Variants in BNC2 observed in about 807,000 individuals in gnomAD.
BNC2 encodes the protein basonuclin zinc finger protein 2.
BNC2 carries 20 observed loss-of-function variants against 76.3 expected under a neutral mutation model. The ratio of observed to expected loss-of-function variants is 0.26; its 90% confidence interval spans 0.18 to 0.38. BNC2 has a LOEUF of 0.38. Ranked by LOEUF, BNC2 falls within the 10% of genes least tolerant of loss-of-function variation. The pLI, the probability that BNC2 is intolerant of heterozygous loss-of-function variation, is 1.00. For synonymous variants in BNC2, 582 were observed against 514.8 expected (o/e 1.13, Z -1.77); for missense variants, 1,382 against 1,399.8 (o/e 0.99, Z 0.20).
Position 16,463,771 on chromosome 9 carries a change from A to G in BNC2, c.670-26247T>C, listed in dbSNP as rs114125730. ...AAATTCACAACTGAAAAAGACAAAA[A>G]TAGGGTCAGGCATGGTGGTTCACGT... is the stretch of plus-strand genomic sequence containing the variant. On this transcript the variant is annotated intron_variant, in intron 5 of 6. Coordinates refer to ENST00000380672, the MANE Select transcript of BNC2 (RefSeq NM_017637.6). Among the ~76,000 whole-genome samples the G allele has an allele frequency of 4.1e-3, 630 of 151,830 alleles. 3 individuals carry two copies. The highest frequency in any genetic ancestry group is 0.014 in the African/African-American group (598 of 41,458).
Position 16,506,727 on chromosome 9 carries a change from T to C in BNC2, c.669+45803A>G, listed in dbSNP as rs1350676481. 3.4e-5 allele frequency among the ~76,000 whole-genome samples: 5 copies of C among 149,106 alleles called. No individual in the cohort carries two copies. The Admixed American group carries it at 3.4e-4, about 10-fold the overall frequency. On this transcript the variant is annotated intron_variant, in intron 5 of 6. Coordinates refer to ENST00000380672, the MANE Select transcript of BNC2 (RefSeq NM_017637.6). ...TTTTAGTTGAGACGGGGTTTCACCA[T>C]GTTGGCCAGGCTGTTTGTTTGGTTT...
intron 3 of BNC2, chr9:16,685,618 G>A (rs2134348733): frequency 1.5e-6 from 2 of 1,304,232 alleles, no homozygotes; most frequent in South Asian, 2.5e-5. Context: ...GCCAGTACAT[G>A]CCAATGGAAC....
chr9:16,693,193 A>G (rs1339570369), intron 3 of BNC2, among the ~76,000 whole-genome samples: 2 of 151,492 alleles, frequency 1.3e-5, no homozygotes, highest in Admixed American at 6.6e-5. Flanking sequence ...AAGAAGCAGC[A>G]TATCTGCCCC....
At chr9:16,671,233 A>C (rs79181375) in intron 3 of BNC2, among the ~76,000 whole-genome samples, 2,917 of 152,256 alleles carry the variant, frequency 0.019, 94 homozygotes, top group African/African-American at 0.065. Flanking sequence ...AACTGTTTAC[A>C]TAAGGGCCCA....
At chr9:16,476,579 A>C (rs1446020251) in intron 5 of BNC2, among the ~76,000 whole-genome samples, 1 of 151,990 alleles carries the variant, frequency 6.6e-6, no homozygotes, top group Non-Finnish European at 1.5e-5. Flanking sequence ...AAAAAAAAAA[A>C]AAAACTCTGG....
chr9:16,450,575 G>A (rs1234487362), intron 5 of BNC2, among the ~76,000 whole-genome samples: 2 of 152,134 alleles, frequency 1.3e-5, no homozygotes, highest in Non-Finnish European at 2.9e-5. Flanking sequence ...CAATTAATTG[G>A]GCATGCAGAA....
chr9:16,611,526 T>C (rs773737563), intron 3 of BNC2, among the ~76,000 whole-genome samples: 2 of 152,152 alleles, frequency 1.3e-5, no homozygotes, highest in Non-Finnish European at 2.9e-5. Context: ...TTTAGAATAC[T>C]TGTTGCTGAA....
chr9:16,805,563 G>C (rs753785259), intron 1 of BNC2, among the ~76,000 whole-genome samples: 3 of 152,016 alleles, frequency 2.0e-5, no homozygotes, highest in African/African-American at 7.2e-5. Context: ...CCTGACCTCA[G>C]GTGATCCGCC....
At chr9:16,692,147 A>G (rs1019724508) in intron 3 of BNC2, among the ~76,000 whole-genome samples, 1 of 152,140 alleles carries the variant, frequency 6.6e-6, no homozygotes, top group Non-Finnish European at 1.5e-5. Flanking sequence ...ACAGAATTCT[A>G]TTATTCTATT....
intron 5 of BNC2, among the ~76,000 whole-genome samples, chr9:16,444,279 A>T (rs1004119828): frequency 4.6e-5 from 7 of 152,212 alleles, no homozygotes; most frequent in African/African-American, 1.4e-4. Context: ...ACATATATAT[A>T]AATGGGGGTA....
intron 1 of BNC2, among the ~76,000 whole-genome samples, chr9:16,741,957 C>CAAA (rs35573018): frequency 0.017 from 1,351 of 77,564 alleles, 62 homozygotes; most frequent in African/African-American, 0.033. Context: ...GGCTCCATCT[C>CAAA]AAAAAAAAAA....
intron 3 of BNC2, among the ~76,000 whole-genome samples, chr9:16,721,385 C>T (rs1391028555): frequency 6.6e-6 from 1 of 152,130 alleles, no homozygotes; most frequent in Non-Finnish European, 1.5e-5. Flanking sequence ...CTCCCTTTCT[C>T]CTGTCTCCAG....
intron 6 of BNC2, 22 bp from the exon 7 acceptor site, chr9:16,419,671 GGGGGTACGTGGATGGGGGGT>G: frequency 3.2e-6 from 2 of 622,988 alleles, no homozygotes; most frequent in East Asian, 5.3e-5. Flanking sequence ...AGAGGGAAGG[GGGGGTACGTGGATGGGGGGT>G]GGGGAAAGGT....
At chr9:16,724,687 C>T (rs1824260058) in intron 3 of BNC2, among the ~76,000 whole-genome samples, 1 of 152,092 alleles carries the variant, frequency 6.6e-6, no homozygotes, top group African/African-American at 2.4e-5. Flanking sequence ...GAAAGATGTA[C>T]ATTTAAGCAG....
chr9:16,675,851 C>G (rs10962534), intron 3 of BNC2, among the ~76,000 whole-genome samples: 24,144 of 152,020 alleles, frequency 0.16, 2,969 homozygotes, highest in East Asian at 0.57. Flanking sequence ...GAGTTTGAGA[C>G]CAGCCTGGCC....
chr9:16,624,232 A>G (rs1003721531), intron 3 of BNC2, among the ~76,000 whole-genome samples: 2 of 152,184 alleles, frequency 1.3e-5, no homozygotes, highest in African/African-American at 4.8e-5. Context: ...TGAATATTCA[A>G]CTGCATGTGG....
chr9:16,498,973 A>T (rs1822459322), intron 5 of BNC2, among the ~76,000 whole-genome samples: 1 of 152,246 alleles, frequency 6.6e-6, no homozygotes, highest in African/African-American at 2.4e-5. Context: ...TACTAGACAG[A>T]TTGAACATAT....
intron 3 of BNC2, among the ~76,000 whole-genome samples, chr9:16,599,301 AC>A (rs1298420309): frequency 6.6e-6 from 1 of 152,226 alleles, no homozygotes; most frequent in East Asian, 1.9e-4. Flanking sequence ...CTTACATACT[AC>A]AGAGATTTAC....
chr9:16,517,711 A>C (rs1052808065), intron 5 of BNC2, among the ~76,000 whole-genome samples: 4 of 152,224 alleles, frequency 2.6e-5, no homozygotes, highest in Non-Finnish European at 4.4e-5. Flanking sequence ...GGAGACAAAA[A>C]AATCATATCA....
Sources: allele counts gnomAD v4.1 joint callset (sites outside exome capture counted in the v4.1 genomes callset), GRCh38; gene constraint gnomAD v4.1.1; transcripts MANE v1.5; gene names NCBI Gene and HGNC (gene_info 2026-07-23, HGNC 2026-07-21).